The following AFF4 variants were observed in gnomAD, a reference collection of about 807,000 sequenced individuals.
AFF4 encodes ALF transcription elongation factor 4, also known as AF4/FMR2 family member 4.
AFF4 carries 13 observed loss-of-function variants against 124.8 expected under a neutral mutation model. That is an observed-to-expected ratio of 0.10 (90% CI 0.07 to 0.17). AFF4 has a LOEUF of 0.17. AFF4 is among the 10% of genes least tolerant of loss of function. The pLI is 1.00. For missense variants in AFF4, 1,092 were observed against 1,403.8 expected (o/e 0.78, Z 3.55); for synonymous variants, 477 against 496.1 (o/e 0.96, Z 0.51).
chr5:132,879,058 A>G lies in AFF4; in HGVS notation c.*2001T>C, dbSNP rs530323499. 7.2e-5 allele frequency: 16 copies of G among 222,062 alleles called. 1 individual carries two copies. The South Asian group carries it at 2.9e-3, about 41-fold the overall frequency. 13.8% of individuals were successfully genotyped at this position (222,062 alleles called of 1,614,324 possible). On this transcript the variant is annotated 3_prime_UTR_variant, in exon 21 of 21. Coordinates refer to ENST00000265343, the MANE Select transcript of AFF4 (RefSeq NM_014423.4). Reference sequence around the variant, plus strand: ...TCCTCTTATGGAAAACTGTTCCTAGAACACACTAAGATTAAGTTAGAAAGA... The same window carrying G: ...TCCTCTTATGGAAAACTGTTCCTAGGACACACTAAGATTAAGTTAGAAAGA...
intron 1 of AFF4, among the ~76,000 whole-genome samples, chr5:132,955,564 GT>G (rs1721296368): frequency 1.3e-5 from 2 of 151,936 alleles, no homozygotes; most frequent in African/African-American, 4.8e-5. Flanking sequence ...AGATCACGAG[GT>G]CAGGAGTTCA....
chr5:132,907,017 T>C (rs1475544503), intron 5 of AFF4, among the ~76,000 whole-genome samples: 1 of 152,228 alleles, frequency 6.6e-6, no homozygotes, highest in East Asian at 1.9e-4. Context: ...ACTTGGTAAA[T>C]GGCCTAAAAG....
intron 5 of AFF4, among the ~76,000 whole-genome samples, chr5:132,913,407 C>T (rs985590614): frequency 6.6e-6 from 1 of 152,116 alleles, no homozygotes; most frequent in African/African-American, 2.4e-5. Flanking sequence ...ACACTATAAG[C>T]CAACTTGACC....
chr5:132,915,600 T>G (rs2150085126), intron 5 of AFF4, among the ~76,000 whole-genome samples: 1 of 144,546 alleles, frequency 6.9e-6, no homozygotes, highest in Non-Finnish European at 1.5e-5. Flanking sequence ...TGGAGTCTCG[T>G]TCTGTCACTC....
intron 4 of AFF4, among the ~76,000 whole-genome samples, chr5:132,930,062 G>A (rs1356270515): frequency 3.3e-5 from 5 of 152,154 alleles, no homozygotes; most frequent in African/African-American, 4.8e-5. Context: ...ATGGGAAAAC[G>A]GTGTACTACT....
chr5:132,912,830 GAAGA>G (rs1760823361), intron 5 of AFF4, among the ~76,000 whole-genome samples: 1 of 150,260 alleles, frequency 6.7e-6, no homozygotes, highest in Admixed American at 6.7e-5. Context: ...AAAATCACTT[GAAGA>G]TAGAGGCTGA....
chr5:132,904,510 G>A (rs1760626049), intron 5 of AFF4, 106 bp from the exon 6 acceptor site: 1 of 982,206 alleles, frequency 1.0e-6, no homozygotes, highest in Non-Finnish European at 1.5e-6. Context: ...AAAAAGCACA[G>A]AAAGAATGTA....
At chr5:132,908,771 TATA>T (rs1437914518) in intron 5 of AFF4, among the ~76,000 whole-genome samples, 69 of 100,868 alleles carry the variant, frequency 6.8e-4, no homozygotes, top group South Asian at 2.3e-3. Context: ...TATATATATA[TATA>T]TATTTTTTTT....
intron 5 of AFF4, among the ~76,000 whole-genome samples, chr5:132,920,928 C>A (rs1241165375): frequency 6.6e-6 from 1 of 151,958 alleles, no homozygotes; most frequent in Non-Finnish European, 1.5e-5. Flanking sequence ...GAGATCGAGA[C>A]CATCCTGACT....
At chr5:132,895,261 T>C (rs1462862621) in intron 11 of AFF4, among the ~76,000 whole-genome samples, 2 of 152,208 alleles carry the variant, frequency 1.3e-5, no homozygotes, top group Non-Finnish European at 2.9e-5. Context: ...TTTCTAAAAA[T>C]TTAAATAATG....
At chr5:132,882,168 G>A (rs1056593871) in intron 20 of AFF4, among the ~76,000 whole-genome samples, 6 of 149,862 alleles carry the variant, frequency 4.0e-5, no homozygotes, top group South Asian at 4.2e-4. Flanking sequence ...AACTGTGACT[G>A]TGCCACAGCC....
In AFF4 at chr5:132,937,043, AACATTC is replaced by A. The variant is rs1374853605; in HGVS notation, c.123+18_123+23del. 6.3e-7 allele frequency: 1 copy of A among 1,581,732 alleles called. No homozygotes were observed. On this transcript the variant is annotated intron_variant, in intron 2 of 20. Transcript: ENST00000265343. Reference sequence around the variant, plus strand: ...AAAAATGTCATGCTAATGGGAAAAAAACATTCACAGAAGGGCAACTTACAACTTTGT... The same window carrying A: ...AAAAATGTCATGCTAATGGGAAAAAAACAGAAGGGCAACTTACAACTTTGT...
rs1461950450 is a variant in AFF4, at chr5:132,876,583, A to AC, written c.*4475dup. On this transcript the variant is annotated 3_prime_UTR_variant, in exon 21 of 21. Transcript: ENST00000265343. The stretch of plus-strand genomic sequence containing the variant: ...AAGTCAACTTCTTTACATGATGACT[A>AC]CTTAGGCTGCTATTTTAGGATACTT... The AC allele has an allele frequency of 4.3e-5, 9 of 207,130 alleles. No individual in the cohort carries two copies. The highest frequency in any genetic ancestry group is 8.9e-5 in the Non-Finnish European group (9 of 101,172). 12.8% of individuals were successfully genotyped at this position (207,130 alleles called of 1,614,324 possible). A position where few individuals can be genotyped will look rare whatever the true frequency, so the allele number is the denominator to read the frequency against.
At chr5:132,951,181 C>CA (rs1282833669) in intron 1 of AFF4, among the ~76,000 whole-genome samples, 3 of 151,426 alleles carry the variant, frequency 2.0e-5, no homozygotes, top group Non-Finnish European at 4.4e-5. Flanking sequence ...CAGAGATCGC[C>CA]ACACTGCACT....
chr5:132,908,774 A>T (rs367658884), intron 5 of AFF4, among the ~76,000 whole-genome samples: 3,970 of 122,330 alleles, frequency 0.032, 55 homozygotes, highest in Middle Eastern at 0.056. Flanking sequence ...ATATATATAT[A>T]TATTTTTTTT....
intron 5 of AFF4, among the ~76,000 whole-genome samples, chr5:132,914,342 C>A (rs1268916148): frequency 6.6e-6 from 1 of 152,020 alleles, no homozygotes; most frequent in East Asian, 1.9e-4. Flanking sequence ...GCGGCTCACG[C>A]CTGTAATCCC....
At chr5:132,939,038 A>T (rs1302344221) in intron 1 of AFF4, among the ~76,000 whole-genome samples, 1 of 150,674 alleles carries the variant, frequency 6.6e-6, no homozygotes, top group Non-Finnish European at 1.5e-5. Context: ...CCTAGCCAAC[A>T]TGACAAAACT....
At chr5:132,921,996 A>T (rs1761059617) in intron 5 of AFF4, among the ~76,000 whole-genome samples, 1 of 151,846 alleles carries the variant, frequency 6.6e-6, no homozygotes, top group Non-Finnish European at 1.5e-5. Flanking sequence ...TGTTGCCTAC[A>T]CTGGTCTCAA....
At chr5:132,955,870 A>G (rs1761945802) in intron 1 of AFF4, among the ~76,000 whole-genome samples, 2 of 147,356 alleles carry the variant, frequency 1.4e-5, no homozygotes, top group African/African-American at 2.5e-5. Flanking sequence ...TATATAGTAT[A>G]TAATATACAT....
Sources: gnomAD v4.1 joint callset for allele counts (sites outside exome capture counted in the v4.1 genomes callset) on GRCh38, gnomAD v4.1.1 for gene constraint, MANE v1.5 for transcripts, NCBI Gene and HGNC (gene_info 2026-07-23, HGNC 2026-07-21) for gene names.